The following CEP63 variants were observed in gnomAD, a reference collection of about 807,000 sequenced individuals.
CEP63 encodes centrosomal protein of 63 kDa.
A neutral mutation model predicts 89.1 loss-of-function variants in CEP63; 84 were observed. The observed-to-expected ratio is 0.94, with a 90% CI of 0.79 to 1.13. The LOEUF (loss-of-function observed/expected upper bound fraction) is 1.13, where lower values mean the gene tolerates loss of function less well. Ranked by LOEUF, CEP63 falls within the 50% of genes most tolerant of loss-of-function variation. The pLI is 0.00. For synonymous variants in CEP63, 267 were observed against 272.5 expected, an observed-to-expected ratio of 0.98 and a Z score of 0.20; for missense variants, 838 against 813.3, an observed-to-expected ratio of 1.03 and a Z score of -0.37.
the CEP63 span, among the ~76,000 whole-genome samples, chr3:134,606,375 T>C: frequency 6.6e-6 from 1 of 152,088 alleles, no homozygotes; most frequent in African/African-American, 2.4e-5. Flanking sequence ...TCAAGCACTC[T>C]CTCAGATCCT....
chr3:134,711,100 C>A, the CEP63 span, among the ~76,000 whole-genome samples: 1 of 152,094 alleles, frequency 6.6e-6, no homozygotes, highest in African/African-American at 2.4e-5. Context: ...TTCTCTTCCC[C>A]CAGTCTTTTT....
chr3:134,646,130 T>C, the CEP63 span, among the ~76,000 whole-genome samples: 1 of 152,148 alleles, frequency 6.6e-6, no homozygotes, highest in Non-Finnish European at 1.5e-5. Context: ...GCATGGCCAT[T>C]TCTGTGGCTA....
Position 134,495,414 on chromosome 3 carries a change from A to G in CEP63, c.44+50A>G, listed in dbSNP as rs754694242. 7.7e-6 allele frequency: 9 copies of G among 1,168,956 alleles called. 1 individual carries two copies. The South Asian group carries it at 9.8e-5, about 13-fold the overall frequency. 72.4% of individuals were successfully genotyped at this position (1,168,956 alleles called of 1,614,324 possible). A position where few individuals can be genotyped will look rare whatever the true frequency, so the allele number is the denominator to read the frequency against. On this transcript the variant is annotated intron_variant, in intron 2 of 14. Transcript: ENST00000675561. ...ATTTTTTTGGTTAATACATGATTAC[A>G]TATTTATAGGGTTCACATGATACTT...
At chr3:134,529,086 T>C (rs960383152) in intron 3 of CEP63, among the ~76,000 whole-genome samples, 1 of 152,230 alleles carries the variant, frequency 6.6e-6, no homozygotes, top group African/African-American at 2.4e-5. Flanking sequence ...ACATTTGGTG[T>C]ATTTCCTTTA....
the CEP63 span, among the ~76,000 whole-genome samples, chr3:134,735,847 C>G: frequency 6.6e-6 from 1 of 152,060 alleles, no homozygotes; most frequent in Non-Finnish European, 1.5e-5. Context: ...GTCTGTCAAG[C>G]TTTTCTGTAA....
At chr3:134,781,845 C>T in the CEP63 span, among the ~76,000 whole-genome samples, 9,940 of 152,132 alleles carry the variant, frequency 0.065, 382 homozygotes, top group African/African-American at 0.11. Context: ...CCTAATGTAG[C>T]TTTCTTTCTT....
intron 4 of CEP63, among the ~76,000 whole-genome samples, chr3:134,532,536 C>G (rs1359984138): frequency 6.6e-6 from 1 of 151,994 alleles, no homozygotes; most frequent in Non-Finnish European, 1.5e-5. Flanking sequence ...AAGTGCAGGG[C>G]TATTGTAATA....
chr3:134,702,883 T>C, the CEP63 span, among the ~76,000 whole-genome samples: 1 of 152,176 alleles, frequency 6.6e-6, no homozygotes, highest in Non-Finnish European at 1.5e-5. Context: ...TGTAAATTAG[T>C]TCAACCATTG....
At chr3:134,775,055 A>G in the CEP63 span, among the ~76,000 whole-genome samples, 1 of 152,174 alleles carries the variant, frequency 6.6e-6, no homozygotes, top group Admixed American at 6.5e-5. Context: ...CAGTTTTGCC[A>G]CAGGATTAAT....
intron 2 of CEP63, among the ~76,000 whole-genome samples, chr3:134,505,982 G>T (rs1341022260): frequency 1.3e-5 from 2 of 152,148 alleles, no homozygotes; most frequent in Non-Finnish European, 2.9e-5. Context: ...ATTTTGGGGG[G>T]ACTTTTTTTG....
At chr3:134,637,491 A>G in the CEP63 span, among the ~76,000 whole-genome samples, 3 of 152,228 alleles carry the variant, frequency 2.0e-5, no homozygotes, top group African/African-American at 7.2e-5. Flanking sequence ...TCCTGTAGTA[A>G]AGAACTCTAT....
At chr3:134,533,955 C>A (rs1950297223) in intron 5 of CEP63, among the ~76,000 whole-genome samples, 1 of 152,130 alleles carries the variant, frequency 6.6e-6, no homozygotes, top group African/African-American at 2.4e-5. Flanking sequence ...CCCTTCCACC[C>A]TTTTCGGCAA....
the CEP63 span, among the ~76,000 whole-genome samples, chr3:134,717,829 TC>T: frequency 6.6e-6 from 1 of 152,194 alleles, no homozygotes; most frequent in Non-Finnish European, 1.5e-5. Flanking sequence ...TGACTCTCTT[TC>T]ACCGCACCTT....
intron 10 of CEP63, among the ~76,000 whole-genome samples, chr3:134,584,128 A>T (rs1251887436): frequency 6.6e-6 from 1 of 152,166 alleles, no homozygotes; most frequent in Non-Finnish European, 1.5e-5. Context: ...GCAAACAGGG[A>T]CAATTTGACT....
At chr3:134,551,881 T>C in intron 11 of CEP63, 45 bp from the exon 12 acceptor site, 2 of 1,340,318 alleles carry the variant, frequency 1.5e-6, no homozygotes, top group Non-Finnish European at 2.1e-6. Flanking sequence ...AAGATGCATG[T>C]GATTTACATG....
intron 3 of CEP63, among the ~76,000 whole-genome samples, chr3:134,526,152 T>C (rs1200479737): frequency 6.6e-6 from 1 of 152,184 alleles, no homozygotes; most frequent in Non-Finnish European, 1.5e-5. Flanking sequence ...TTTTTCTCTA[T>C]TCTTGCCTGT....
At chr3:134,489,158 C>CAAAAAA (rs765548189) in intron 1 of CEP63, among the ~76,000 whole-genome samples, 3 of 60,722 alleles carry the variant, frequency 4.9e-5, no homozygotes, top group African/African-American at 1.6e-4. Context: ...GAGACTGTCT[C>CAAAAAA]AAAAAAAAAA....
chr3:134,567,121 G>A (rs1007938475), downstream of CEP63, among the ~76,000 whole-genome samples: 4 of 148,460 alleles, frequency 2.7e-5, no homozygotes, highest in African/African-American at 1.0e-4. Context: ...TGATGCCACA[G>A]CATGGATGAA....
At chr3:134,753,445 T>A in the CEP63 span, among the ~76,000 whole-genome samples, 1 of 152,044 alleles carries the variant, frequency 6.6e-6, no homozygotes, top group African/African-American at 2.4e-5. Flanking sequence ...ATGCTGCAGG[T>A]CTTGTGACAC....
Sources: gnomAD v4.1 joint callset for allele counts (sites outside exome capture counted in the v4.1 genomes callset) on GRCh38, gnomAD v4.1.1 for gene constraint, MANE v1.5 for transcripts, NCBI Gene and HGNC (gene_info 2026-07-23, HGNC 2026-07-21) for gene names.